Variants in DHDH observed in about 807,000 individuals in gnomAD.
The protein encoded by DHDH is trans-1,2-dihydrobenzene-1,2-diol dehydrogenase.
In DHDH, 29 loss-of-function variants were observed where a neutral mutation model predicts 33.2. The observed-to-expected ratio is 0.87, with a 90% CI of 0.65 to 1.19. The LOEUF is 1.19. DHDH is among the 50% of genes most tolerant of loss of function. The pLI, the probability that DHDH is intolerant of heterozygous loss-of-function variation, is 0.00. For synonymous variants in DHDH, 201 were observed against 187.9 expected (o/e 1.07, Z -0.57); for missense variants, 431 against 455.0 (o/e 0.95, Z 0.48).
At chr19:48,941,229 C>T (rs1443848136) in intron 4 of DHDH, among the ~76,000 whole-genome samples, 2 of 152,114 alleles carry the variant, frequency 1.3e-5, no homozygotes, top group African/African-American at 4.8e-5. Context: ...CACCTGGCCT[C>T]TCCAGCTGGC....
At chr19:48,935,685 C>T (rs1192312914) in intron 2 of DHDH, among the ~76,000 whole-genome samples, 2 of 151,276 alleles carry the variant, frequency 1.3e-5, no homozygotes, top group Admixed American at 6.6e-5. Context: ...GGCATGGTGG[C>T]GGGCGCCTGT....
At chr19:48,933,600 G>A (rs552609591), upstream of DHDH, 8 of 870,504 alleles carry the variant, frequency 9.2e-6, no homozygotes, top group East Asian at 2.5e-5. Context: ...TGGAGCCAAC[G>A]AGAATCGGCG....
At chr19:48,936,320 T>G in intron 3 of DHDH, 125 bp downstream of exon 3, 1 of 1,297,136 alleles carries the variant, frequency 7.7e-7, no homozygotes, top group South Asian at 1.6e-5. Flanking sequence ...GCAGCATCTA[T>G]TACCGTGAAA....
At position 48,939,501 on chromosome 19, in the gene DHDH, C is replaced by T. The variant is rs745648911; in HGVS notation, c.419C>T (p.Ala140Val). The T allele has an allele frequency of 6.2e-7, 1 of 1,613,994 alleles. No homozygotes were observed. The highest frequency in any genetic ancestry group is 1.1e-5 in the South Asian group (1 of 91,080). Residue 140 changes from alanine to valine, a missense_variant, in exon 4 of 7, where the codon GCC becomes GTC. Physicochemically the swap from Ala to Val is moderately conservative, Grantham distance 64. Coordinates refer to ENST00000221403, the MANE Select transcript of DHDH (RefSeq NM_014475.4). ...PASEALRSVL[A>V]QGTLGDLRVA... ...TCCGAGGCTCTGAGGTCTGTTTTGG[C>T]CCAGGGAACTCTAGGAGACCTCCGG...
intron 4 of DHDH, among the ~76,000 whole-genome samples, chr19:48,941,151 C>A (rs2037853460): frequency 6.6e-6 from 1 of 152,158 alleles, no homozygotes; most frequent in African/African-American, 2.4e-5. Context: ...TGGGACTGGA[C>A]AGTCTGGTAG....
chr19:48,944,613 T>C (rs776170786), intron 6 of DHDH, 106 bp downstream of exon 6: 4 of 1,492,400 alleles, frequency 2.7e-6, no homozygotes, highest in Admixed American at 4.4e-5. Context: ...TCCCAGGAGG[T>C]TGCAGTGAGC....
intron 4 of DHDH, among the ~76,000 whole-genome samples, chr19:48,941,459 G>A (rs898212978): frequency 6.6e-6 from 1 of 152,072 alleles, no homozygotes; most frequent in Non-Finnish European, 1.5e-5. Flanking sequence ...TTGGCACACT[G>A]CAGCGTCAAC....
intron 3 of DHDH, among the ~76,000 whole-genome samples, 166 bp downstream of exon 3, chr19:48,936,361 C>G (rs1568595622): frequency 6.6e-6 from 1 of 152,166 alleles, no homozygotes. Flanking sequence ...GCAAACACGG[C>G]AAGGCTTACT....
chr19:48,939,768 G>C, intron 4 of DHDH, 67 bp downstream of exon 4: 1 of 1,510,012 alleles, frequency 6.6e-7, no homozygotes, highest in Non-Finnish European at 8.8e-7. Flanking sequence ...GCACTGAACT[G>C]AGGACAAGTC....
intron 5 of DHDH, among the ~76,000 whole-genome samples, chr19:48,943,385 GAA>G (rs56853050): frequency 2.2e-4 from 32 of 145,870 alleles, no homozygotes; most frequent in South Asian, 8.6e-4. Context: ...CTTGTTGCTA[GAA>G]AAAAAAAAAA....
chr19:48,937,742 G>A (rs1187930692), intron 3 of DHDH, among the ~76,000 whole-genome samples: 3 of 151,352 alleles, frequency 2.0e-5, no homozygotes, highest in Admixed American at 6.6e-5. Context: ...AACCCGGGAG[G>A]CGGAGGTTGC....
chr19:48,939,002 T>C (rs554061384), intron 3 of DHDH, among the ~76,000 whole-genome samples: 10 of 151,288 alleles, frequency 6.6e-5, no homozygotes, highest in Admixed American at 2.0e-4. Context: ...CTGAAAACCC[T>C]GTGGCCACAA....
rs748664940 is a variant in DHDH at position 48,942,578 on chromosome 19, G to A, written c.744+14G>A. 1.9e-6 allele frequency: 3 copies of A among 1,607,024 alleles called. No homozygotes were observed. The highest frequency in any genetic ancestry group is 2.6e-6 in the Non-Finnish European group (3 of 1,175,070). ...GGCATGGTACAGGTGAGGCATGGCGGGCCCAAGCGCTGGGGATCGTGCCCC... is the reference window on the plus strand; with the variant it reads ...GGCATGGTACAGGTGAGGCATGGCGAGCCCAAGCGCTGGGGATCGTGCCCC... On this transcript the variant is annotated intron_variant, in intron 5 of 6. Transcript: ENST00000221403.
rs3765148 is a variant in DHDH, at chr19:48,944,456, G to A, written c.844G>A (p.Gly282Arg). The change falls in exon 6 of 7, where the codon GGG (glycine) becomes AGG (arginine). Residue 282 changes from glycine to arginine, a missense_variant. Transcript: ENST00000221403. ...CCCAAAGGACTGCAATTTTGACAAC[G>A]GGGCAGGCATGAGTTATGAGGCCAA... ...PVPKDCNFDN[G>R]AGMSYEAKHV... 0.063 allele frequency: 101,897 copies of A among 1,613,616 alleles called. 3,400 individuals carry two copies. The highest frequency in any genetic ancestry group is 0.11 in the African/African-American group (7,944 of 75,022).
rs529408094 is a variant in DHDH, at chr19:48,942,629, T to A, written c.744+65T>A. 5.8e-6 allele frequency: 9 copies of A among 1,564,564 alleles called. No homozygotes were observed. In the African/African-American group the frequency reaches 1.1e-4, roughly 19 times the overall value. ...TAAAATAGGAGGGGGACAAATGGCC[T>A]CTGGAGCTAGATGAGAGCTTAACCA... On this transcript the variant is annotated intron_variant, in intron 5 of 6. Coordinates refer to ENST00000221403, the MANE Select transcript of DHDH (RefSeq NM_014475.4).
intron 2 of DHDH, among the ~76,000 whole-genome samples, chr19:48,935,418 G>A (rs1011151136): frequency 6.6e-6 from 1 of 152,206 alleles, no homozygotes; most frequent in Admixed American, 6.6e-5. Flanking sequence ...CTACTGGGGA[G>A]GCTGAGGCAG....
chr19:48,939,537 C>T lies in DHDH; in HGVS notation c.455C>T (p.Ala152Val). Residue 152 changes from alanine to valine, a missense_variant, in exon 4 of 7, where the codon GCA (alanine) becomes GTA (valine). Transcript: ENST00000221403. The part of the protein sequence containing the change: ...GTLGDLRVAR[A>V]EFGKNLIHVP... ...CTAGGAGACCTCCGGGTGGCTCGGGCAGAATTTGGGAAGAATCTCATCCAC... is the reference window on the plus strand; with the variant it reads ...CTAGGAGACCTCCGGGTGGCTCGGGTAGAATTTGGGAAGAATCTCATCCAC... 2 of 1,614,038 alleles carry T rather than the reference C, an allele frequency of 1.2e-6. No individual in the cohort carries two copies. The highest frequency in any genetic ancestry group is 2.2e-5 in the South Asian group (2 of 91,072).
Position 48,939,599 on chromosome 19 carries a change from G to T in DHDH, c.517G>T (p.Ala173Ser), listed in dbSNP as rs1006726849. 4.3e-6 allele frequency: 7 copies of T among 1,614,080 alleles called. No individual in the cohort carries two copies. Among genetic ancestry groups the T allele is most frequent in the Middle Eastern group, 3.3e-4 (2 of 6,062 alleles). ...RAVDRAQAGG[A>S]LLDIGIYCVQ... ...CGTAGACCGGGCCCAGGCTGGGGGG[G>T]CCCTGCTGGACATCGGCATCTACTG... The change falls in exon 4 of 7, where the codon GCC (alanine) becomes TCC (serine). Residue 173 changes from alanine (A) to serine (S), a missense_variant. Coordinates refer to ENST00000221403, the MANE Select transcript of DHDH (RefSeq NM_014475.4).
In DHDH at chr19:48,940,220, C is replaced by T. The variant is rs114176402; in HGVS notation, c.619+519C>T. Reference sequence around the variant, plus strand: ...AAATACAAAAATTAGCTAGGCATTGCGGCAGGCACCTGTAATCCCAGCTAT... The same window carrying T: ...AAATACAAAAATTAGCTAGGCATTGTGGCAGGCACCTGTAATCCCAGCTAT... On this transcript the variant is annotated intron_variant, in intron 4 of 6. Transcript: ENST00000221403. Among the ~76,000 whole-genome samples the T allele has an allele frequency of 2.6e-3, 400 of 151,762 alleles. 2 individuals carry two copies. The highest frequency in any genetic ancestry group is 9.1e-3 in the African/African-American group (375 of 41,388).
Sources: gnomAD v4.1 joint callset for allele counts (sites outside exome capture counted in the v4.1 genomes callset) on GRCh38, gnomAD v4.1.1 for gene constraint, MANE v1.5 for transcripts, NCBI Gene and HGNC (gene_info 2026-07-23, HGNC 2026-07-21) for gene names.